Variants in SESN3 observed in about 807,000 individuals in gnomAD.
The protein encoded by SESN3 is sestrin 3.
A neutral mutation model predicts 55.3 loss-of-function variants in SESN3; 21 were observed. The observed-to-expected ratio is 0.38, with a 90% CI of 0.27 to 0.55. The LOEUF is 0.55. SESN3 is among the 20% of genes least tolerant of loss of function. The probability of loss-of-function intolerance (pLI) is 0.76; values close to 1 mark genes in which losing one functional copy is unlikely to be tolerated. For missense variants in SESN3, 408 were observed against 604.3 expected (o/e 0.68, Z 3.41); for synonymous variants, 181 against 203.1 (o/e 0.89, Z 0.93).
Position 95,191,385 on chromosome 11 carries a change from T to C in SESN3, c.342+19A>G, listed in dbSNP as rs374635663. On this transcript the variant is annotated intron_variant, in intron 3 of 9. Coordinates refer to ENST00000536441, the MANE Select transcript of SESN3 (RefSeq NM_144665.4). ...AAGTGAGGAAGGTGTTATGTGAACA[T>C]AGGAAAATAAGCACCCACCATTATT... The C allele has an allele frequency of 1.1e-5, 18 of 1,578,742 alleles. No individual in the cohort carries two copies. Among genetic ancestry groups the C allele is most frequent in the South Asian group, 5.5e-5 (5 of 90,388 alleles).
chr11:95,187,882 A>C (rs761746083), intron 4 of SESN3, among the ~76,000 whole-genome samples: 1 of 151,826 alleles, frequency 6.6e-6, no homozygotes. Flanking sequence ...CATGTCATGA[A>C]GAAGGACACC....
chr11:95,187,763 T>C (rs1030260740), intron 4 of SESN3, among the ~76,000 whole-genome samples: 3 of 151,896 alleles, frequency 2.0e-5, no homozygotes, highest in African/African-American at 7.2e-5. Flanking sequence ...AACTATCCAA[T>C]TTTACTTTTA....
chr11:95,224,161 G>A (rs1055138697), intron 1 of SESN3, among the ~76,000 whole-genome samples: 4 of 152,100 alleles, frequency 2.6e-5, no homozygotes, highest in African/African-American at 9.7e-5. Flanking sequence ...TAGCTACATA[G>A]TTGGAAAAAG....
chr11:95,184,949 G>A (rs550935335), intron 5 of SESN3, among the ~76,000 whole-genome samples: 3 of 152,082 alleles, frequency 2.0e-5, no homozygotes, highest in Non-Finnish European at 2.9e-5. Context: ...GGTTGTTCCA[G>A]CATCTTATAC....
chr11:95,190,071 C>G, intron 3 of SESN3, 110 bp from the exon 4 acceptor site: 1 of 730,434 alleles, frequency 1.4e-6, no homozygotes. Flanking sequence ...TAGCCAGTAC[C>G]TCTTTTCTTA....
intron 1 of SESN3, among the ~76,000 whole-genome samples, chr11:95,205,177 G>C (rs550733919): frequency 2.3e-4 from 35 of 152,280 alleles, no homozygotes; most frequent in Admixed American, 1.8e-3. Flanking sequence ...CATGATTCCT[G>C]AAACTTTCTC....
Position 95,212,332 on chromosome 11 carries a change from CTT to C in SESN3, c.78+18449_78+18450del, listed in dbSNP as rs568350381. ...ATCTTTATAATTATTTAGAAAACAT[CTT>C]TCTCTCTAACCACAGAGTAAGCTCT... On this transcript the variant is annotated intron_variant, in intron 1 of 9. Coordinates refer to ENST00000536441, the MANE Select transcript of SESN3 (RefSeq NM_144665.4). Among the ~76,000 whole-genome samples, 279 of 152,178 alleles carry C rather than the reference CTT, an allele frequency of 1.8e-3. 1 individual carries two copies. Among genetic ancestry groups the C allele is most frequent in the Non-Finnish European group, 3.0e-3 (207 of 67,964 alleles).
chr11:95,194,276 C>A (rs909332381), intron 1 of SESN3, among the ~76,000 whole-genome samples: 21 of 152,064 alleles, frequency 1.4e-4, no homozygotes, highest in Admixed American at 2.6e-4. Context: ...TTTCTCCCCC[C>A]ATTACTAGGT....
chr11:95,186,605 A>C (rs1322821363), intron 4 of SESN3, among the ~76,000 whole-genome samples: 1 of 151,954 alleles, frequency 6.6e-6, no homozygotes, highest in Admixed American at 6.6e-5. Context: ...TAGAAGGAAG[A>C]TATTGAACAT....
chr11:95,229,256 T>C (rs554615461), intron 1 of SESN3, among the ~76,000 whole-genome samples: 1 of 152,172 alleles, frequency 6.6e-6, no homozygotes, highest in African/African-American at 2.4e-5. Flanking sequence ...AGTGAAAGAG[T>C]TAACATCCAA....
chr11:95,192,749 T>C (rs1714975322), intron 2 of SESN3, among the ~76,000 whole-genome samples: 1 of 152,178 alleles, frequency 6.6e-6, no homozygotes, highest in Non-Finnish European at 1.5e-5. Flanking sequence ...TAACTCATTA[T>C]GGAGCCAAGT....
At chr11:95,187,911 C>T (rs1370917409) in intron 4 of SESN3, among the ~76,000 whole-genome samples, 1 of 151,544 alleles carries the variant, frequency 6.6e-6, no homozygotes, top group Admixed American at 6.6e-5. Context: ...TCTCTTGTCC[C>T]ACCCACTTTC....
chr11:95,194,648 C>T (rs1208575456), intron 1 of SESN3, among the ~76,000 whole-genome samples: 1 of 152,038 alleles, frequency 6.6e-6, no homozygotes, highest in African/African-American at 2.4e-5. Flanking sequence ...ACAAAGGCCT[C>T]AATCTCCTGG....
chr11:95,229,254 A>G (rs1180410206), intron 1 of SESN3, among the ~76,000 whole-genome samples: 1 of 152,228 alleles, frequency 6.6e-6, no homozygotes, highest in Admixed American at 6.5e-5. Context: ...GCAGTGAAAG[A>G]GTTAACATCC....
At chr11:95,198,345 CA>C (rs199529391) in intron 1 of SESN3, among the ~76,000 whole-genome samples, 36,572 of 126,126 alleles carry the variant, frequency 0.29, 4,875 homozygotes, top group Middle Eastern at 0.36. Flanking sequence ...TCCTCAATGT[CA>C]AAAAAAAAAA....
rs1234627922 is a variant in SESN3, at chr11:95,168,520, G to C, written c.*4735C>G. On this transcript the variant is annotated 3_prime_UTR_variant, in exon 10 of 10. Transcript: ENST00000536441. ...ACAACAGTGAGTGAATCCATGAAAA[G>C]GTTGGATACTCTGAATTTATAGGCT... The C allele has an allele frequency of 2.0e-5, 3 of 152,168 alleles. No individual in the cohort carries two copies. Among genetic ancestry groups the C allele is most frequent in the Non-Finnish European group, 2.9e-5 (2 of 68,026 alleles). 9.4% of individuals were successfully genotyped at this position (152,168 alleles called of 1,614,324 possible).
intron 4 of SESN3, among the ~76,000 whole-genome samples, chr11:95,185,996 G>C (rs1425740150): frequency 2.0e-5 from 3 of 151,938 alleles, no homozygotes; most frequent in Non-Finnish European, 2.9e-5. Context: ...ATCTGAATAA[G>C]AATTTTAAAA....
intron 6 of SESN3, among the ~76,000 whole-genome samples, chr11:95,179,257 C>T (rs555120489): frequency 7.7e-4 from 117 of 151,884 alleles, no homozygotes; most frequent in African/African-American, 2.4e-3. Context: ...TGGGTTCAAG[C>T]GATTCTTCTG....
intron 1 of SESN3, among the ~76,000 whole-genome samples, chr11:95,216,368 C>T (rs1860756982): frequency 6.6e-6 from 1 of 152,130 alleles, no homozygotes; most frequent in Non-Finnish European, 1.5e-5. Flanking sequence ...TGCTAGAGGA[C>T]ATATTACTTC....
Sources: allele counts gnomAD v4.1 joint callset (sites outside exome capture counted in the v4.1 genomes callset), GRCh38; gene constraint gnomAD v4.1.1; transcripts MANE v1.5; gene names NCBI Gene and HGNC (gene_info 2026-07-23, HGNC 2026-07-21).